PHKA1: variants seen among roughly 807,000 people sequenced by gnomAD.
The protein encoded by PHKA1 is phosphorylase b kinase regulatory subunit alpha, skeletal muscle isoform.
In PHKA1, 60 loss-of-function variants were observed where a neutral mutation model predicts 110.2. The ratio of observed to expected loss-of-function variants is 0.54; its 90% CI spans 0.44 to 0.68. The LOEUF (loss-of-function observed/expected upper bound fraction) is 0.68. Ranked by LOEUF, PHKA1 falls within the 30% of genes least tolerant of loss-of-function variation. The pLI is 0.00. For missense variants in PHKA1, 801 were observed against 942.5 expected (o/e 0.85, Z 1.97); for synonymous variants, 316 against 333.6 (o/e 0.95, Z 0.58).
At chrX:72,704,404 T>A (rs1321828570) in intron 3 of PHKA1, among the ~76,000 whole-genome samples, 1 of 111,670 alleles carries the variant, frequency 9.0e-6, no homozygotes, top group Non-Finnish European at 1.9e-5. Flanking sequence ...TATAGAGTGC[T>A]GTTCTAGACC....
intron 6 of PHKA1, among the ~76,000 whole-genome samples, chrX:72,669,484 C>A (rs1385783529): frequency 2.8e-5 from 3 of 106,984 alleles, no homozygotes; most frequent in Non-Finnish European, 3.9e-5. Context: ...CACCCAGTAA[C>A]TTGTCATTTA....
At chrX:72,676,259 C>A in intron 5 of PHKA1, 109 bp from the exon 6 acceptor site, 1 of 493,161 alleles carries the variant, frequency 2.0e-6, no homozygotes, top group Admixed American at 3.0e-5. Flanking sequence ...AACTAATTTG[C>A]CATATATATA....
intron 3 of PHKA1, among the ~76,000 whole-genome samples, chrX:72,697,921 T>C (rs2054150116): frequency 9.2e-6 from 1 of 108,116 alleles, no homozygotes; most frequent in African/African-American, 3.4e-5. Context: ...GAGGTGGAGG[T>C]TACAATGAGC....
chrX:72,582,304 AC>A (rs1306661229), intron 31 of PHKA1, 93 bp downstream of exon 31: 1 of 608,887 alleles, frequency 1.6e-6, no homozygotes, highest in African/African-American at 2.2e-5. Flanking sequence ...GGAAGAGGGC[AC>A]AAGAAAGTGA....
At chrX:72,618,969 T>A in intron 20 of PHKA1, 120 bp from the exon 21 acceptor site, 2 of 708,809 alleles carry the variant, frequency 2.8e-6, no homozygotes, top group Middle Eastern at 3.5e-4. Context: ...TAAATACTAA[T>A]GAAAGGCAAA....
intron 3 of PHKA1, among the ~76,000 whole-genome samples, chrX:72,702,696 G>A (rs146384354): frequency 0.015 from 1,632 of 111,438 alleles, 14 homozygotes; most frequent in Non-Finnish European, 0.022. Context: ...GAGATCAGGC[G>A]AAACCTGAGA....
At chrX:72,596,592 C>A (rs2052592780) in intron 28 of PHKA1, among the ~76,000 whole-genome samples, 1 of 110,001 alleles carries the variant, frequency 9.1e-6, no homozygotes, top group Admixed American at 9.7e-5. Context: ...AAAAGAAGTC[C>A]AAAACAAATA....
At chrX:72,682,189 C>T (rs1253451639) in intron 5 of PHKA1, among the ~76,000 whole-genome samples, 3 of 85,528 alleles carry the variant, frequency 3.5e-5, no homozygotes, top group East Asian at 1.1e-3. Context: ...CCAGCCGCCC[C>T]GTCCGGGAGG....
Position 72,714,216 on chromosome X carries a change from C to A in PHKA1, c.-336G>T, listed in dbSNP as rs1281272227. The A allele has an allele frequency of 2.3e-5, 5 of 213,473 alleles. No individual in the cohort carries two copies. Among genetic ancestry groups the A allele is most frequent in the Non-Finnish European group, 4.2e-5 (5 of 118,129 alleles). The allele number at this position is 213,473 out of a possible 1,213,427, so 17.6% of individuals were successfully genotyped here. On this transcript the variant is annotated 5_prime_UTR_variant, in exon 1 of 32. Coordinates refer to ENST00000373542, the MANE Select transcript of PHKA1 (RefSeq NM_002637.4). ...CATCCTCCCCTCAACCCCGGGAGAC[C>A]GCCGCGGCCCACAGCCTCCCGCCCG...
chrX:72,619,769 T>C (rs1219512025), intron 19 of PHKA1, among the ~76,000 whole-genome samples: 3 of 111,916 alleles, frequency 2.7e-5, no homozygotes, highest in African/African-American at 9.7e-5. Context: ...CTTTGAGATA[T>C]TCCTAAGATT....
chrX:72,680,013 C>CTT (rs781909627), intron 5 of PHKA1, among the ~76,000 whole-genome samples: 2 of 101,213 alleles, frequency 2.0e-5, no homozygotes, highest in African/African-American at 3.6e-5. Context: ...ATAAAAGAAA[C>CTT]TTTTTTTTTT....
intron 5 of PHKA1, among the ~76,000 whole-genome samples, chrX:72,678,313 T>C (rs1181290145): frequency 9.0e-6 from 1 of 111,417 alleles, no homozygotes; most frequent in Non-Finnish European, 1.9e-5. Flanking sequence ...TGCAAATGTG[T>C]ATGTGCATAC....
At chrX:72,593,376 G>A (rs987353302) in intron 28 of PHKA1, 102 bp from the exon 29 acceptor site, 9 of 620,716 alleles carry the variant, frequency 1.4e-5, no homozygotes, top group South Asian at 2.5e-5. Context: ...TCGCTCTGTC[G>A]CCCAGGCTGG....
chrX:72,592,038 T>C (rs990302631), intron 29 of PHKA1, among the ~76,000 whole-genome samples: 2 of 112,343 alleles, frequency 1.8e-5, no homozygotes, highest in African/African-American at 6.5e-5. Flanking sequence ...ATTTACTGTT[T>C]ATTATTTATA....
intron 4 of PHKA1, among the ~76,000 whole-genome samples, chrX:72,691,540 A>G (rs1456382806): frequency 8.9e-6 from 1 of 112,102 alleles, no homozygotes; most frequent in African/African-American, 3.2e-5. Context: ...ATTTATTTAG[A>G]TATTTACTTT....
intron 17 of PHKA1, among the ~76,000 whole-genome samples, chrX:72,623,936 G>C (rs992185731): frequency 9.0e-6 from 1 of 111,624 alleles, no homozygotes; most frequent in Non-Finnish European, 1.9e-5. Context: ...AAGGGGGGAA[G>C]GGAAAGCTCT....
At chrX:72,628,612 T>G (rs1179132563) in intron 16 of PHKA1, among the ~76,000 whole-genome samples, 1 of 103,688 alleles carries the variant, frequency 9.6e-6, no homozygotes, top group Non-Finnish European at 1.9e-5. Flanking sequence ...TTTTTTCAAA[T>G]GGAGTCTGCC....
intron 6 of PHKA1, among the ~76,000 whole-genome samples, chrX:72,674,844 T>A (rs1472068617): frequency 9.0e-6 from 1 of 111,369 alleles, no homozygotes; most frequent in Non-Finnish European, 1.9e-5. Flanking sequence ...AATTTGTCTG[T>A]GTGAAATGAC....
chrX:72,632,500 A>G (rs1603260003), intron 16 of PHKA1, among the ~76,000 whole-genome samples: 1 of 111,642 alleles, frequency 9.0e-6, no homozygotes, highest in South Asian at 3.7e-4. Context: ...CAGCATTTAC[A>G]TGATATATCT....
Sources: allele counts gnomAD v4.1 joint callset (sites outside exome capture counted in the v4.1 genomes callset), GRCh38; gene constraint gnomAD v4.1.1; transcripts MANE v1.5; gene names NCBI Gene and HGNC (gene_info 2026-07-23, HGNC 2026-07-21).